Variants in F8 observed in about 807,000 individuals in gnomAD.
F8 encodes the protein coagulation factor VIII.
F8 carries 12 observed loss-of-function variants against 140.6 expected under a neutral mutation model. The observed-to-expected ratio is 0.09, with a 90% confidence interval of 0.05 to 0.14. F8 has a LOEUF of 0.14. Among genes scored for constraint, F8 ranks in the 10% least tolerant of loss-of-function variants. The pLI, the probability that F8 is intolerant of heterozygous loss-of-function variation, is 1.00. For synonymous variants in F8, 585 were observed against 614.6 expected, an observed-to-expected ratio of 0.95 and a Z score of 0.71; for missense variants, 1,354 against 1,720.7, an observed-to-expected ratio of 0.79 and a Z score of 3.77.
rs1241349137 is a variant in F8 at position 154,843,230 on chromosome X, T to C, written c.6901-5478A>G. Among the ~76,000 whole-genome samples, 4 of 111,930 alleles carry C rather than the reference T, an allele frequency of 3.6e-5. No individual in the cohort carries two copies. The East Asian group carries it at 1.1e-3, about 31-fold the overall frequency. ...TTGGGTTGGTTCCAAGTCTTTGCTATTGTGAATAGTGCCGCAATAAACATA... is the reference window on the plus strand; with the variant it reads ...TTGGGTTGGTTCCAAGTCTTTGCTACTGTGAATAGTGCCGCAATAAACATA... On this transcript the variant is annotated intron_variant, in intron 25 of 25. Coordinates refer to ENST00000360256, the MANE Select transcript of F8 (RefSeq NM_000132.4).
At position 154,963,806 on chromosome X, in the gene F8, T is replaced by C. The variant is rs782783801; in HGVS notation, c.1443+2164A>G. On this transcript the variant is annotated intron_variant, in intron 9 of 25. Transcript: ENST00000360256. ...TAAATCAAAGAATGGGGTAGATCTATATATGTTGACATGAAATGATATCCA... is the reference window on the plus strand; with the variant it reads ...TAAATCAAAGAATGGGGTAGATCTACATATGTTGACATGAAATGATATCCA... Among the ~76,000 whole-genome samples the C allele has an allele frequency of 2.9e-4, 32 of 111,344 alleles. No homozygotes were observed. The South Asian group carries it at 0.012, about 41-fold the overall frequency.
Position 154,930,139 on chromosome X carries a change from T to C in F8, c.3651A>G (p.Ile1217Met), listed in dbSNP as rs2073185856. 1.7e-6 allele frequency: 2 copies of C among 1,206,505 alleles called. No homozygotes were observed. The highest frequency in any genetic ancestry group is 3.5e-5 in the African/African-American group (2 of 57,167). The change falls in exon 14 of 26, where the codon ATA becomes ATG. Residue 1217 changes from isoleucine to methionine, a missense_variant. Around this residue, in one of 4 missense-constraint regions of F8, gnomAD observed 658 missense variants for 666.5 expected, o/e 0.99. Coordinates refer to ENST00000360256, the MANE Select transcript of F8 (RefSeq NM_000132.4). ...HNQEKKIQEE[I>M]EKKETLIQEN... ...CTTGGATTAATGTTTCCTTCTTTTCTATTTCTTCCTGAATTTTTTTTTCTT... is the reference window on the plus strand; with the variant it reads ...CTTGGATTAATGTTTCCTTCTTTTCCATTTCTTCCTGAATTTTTTTTTCTT...
intron 21 of F8, among the ~76,000 whole-genome samples, chrX:154,896,480 T>A (rs1051049354): frequency 1.9e-5 from 2 of 104,932 alleles, no homozygotes; most frequent in African/African-American, 7.1e-5. Flanking sequence ...ACCAAACCAC[T>A]ACCAAATCAT....
intron 13 of F8, among the ~76,000 whole-genome samples, chrX:154,935,208 TA>T (rs782281243): frequency 9.1e-6 from 1 of 110,109 alleles, no homozygotes; most frequent in African/African-American, 3.3e-5. Context: ...AGAGCAGTAA[TA>T]AAAAAAATGT....
chrX:154,905,621 C>T (rs1467103843), intron 15 of F8, among the ~76,000 whole-genome samples: 1 of 111,097 alleles, frequency 9.0e-6, no homozygotes, highest in Non-Finnish European at 1.9e-5. Context: ...AACTTTTAGT[C>T]TACAGGAAGT....
chrX:154,893,865 C>T (rs182619884), intron 22 of F8, among the ~76,000 whole-genome samples: 88 of 111,725 alleles, frequency 7.9e-4, no homozygotes, highest in African/African-American at 2.8e-3. Flanking sequence ...ATTAACATAG[C>T]TAGATCTTTT....
chrX:154,923,723 G>C (rs2073144680), intron 14 of F8, among the ~76,000 whole-genome samples: 2 of 111,692 alleles, frequency 1.8e-5, no homozygotes, highest in South Asian at 7.4e-4. Flanking sequence ...ATGACTTTGG[G>C]GGACTGTTGG....
intron 6 of F8, among the ~76,000 whole-genome samples, chrX:154,972,723 T>TA (rs1569559892): frequency 1.2e-5 from 1 of 85,825 alleles, no homozygotes; most frequent in Admixed American, 1.3e-4. Context: ...TTTTTTTTTT[T>TA]TTTTTTTTTT....
chrX:155,008,801 G>A (rs1467867649), intron 1 of F8, among the ~76,000 whole-genome samples: 3 of 108,545 alleles, frequency 2.8e-5, no homozygotes, highest in African/African-American at 1.0e-4. Context: ...TCTTCCCAGC[G>A]CCGACTCTGC....
intron 1 of F8, among the ~76,000 whole-genome samples, chrX:155,000,377 A>G (rs1286694332): frequency 8.9e-6 from 1 of 112,190 alleles, no homozygotes; most frequent in Non-Finnish European, 1.9e-5. Context: ...TCCACTCACT[A>G]GTTTCATGTG....
chrX:155,012,744 C>A (rs1468235975), intron 1 of F8, among the ~76,000 whole-genome samples: 1 of 110,093 alleles, frequency 9.1e-6, no homozygotes, highest in East Asian at 2.8e-4. Flanking sequence ...ACAAAAAACA[C>A]TGGGATAAGA....
intron 22 of F8, among the ~76,000 whole-genome samples, chrX:154,867,690 C>CAAAAAAAAA (rs373471645): frequency 1.2e-4 from 5 of 41,811 alleles, no homozygotes; most frequent in Non-Finnish European, 1.8e-4. Context: ...GACTCTGTCT[C>CAAAAAAAAA]AAAAAAAAAA....
In F8 at chrX:155,009,076, CATTA is replaced by C. The variant is rs1297287839; in HGVS notation, c.144-9480_144-9477del. Among the ~76,000 whole-genome samples, 4 of 109,813 alleles carry C rather than the reference CATTA, an allele frequency of 3.6e-5. No homozygotes were observed. In the East Asian group the frequency reaches 1.2e-3, roughly 32 times the overall value. On this transcript the variant is annotated intron_variant, in intron 1 of 25. Transcript: ENST00000360256. ...TACATCTAGGGAACACAACCAGTAA[CATTA>C]ATTTTTTTTTTTTTTTTTTTGAGAC...
chrX:154,876,275 A>G (rs1397735479), intron 22 of F8, among the ~76,000 whole-genome samples: 2 of 109,366 alleles, frequency 1.8e-5, no homozygotes, highest in Non-Finnish European at 3.8e-5. Context: ...GCCCACCACC[A>G]CACCCAGCTA....
chrX:154,969,405 A>G lies in F8; in HGVS notation c.935T>C (p.Phe312Ser), dbSNP rs137852405. Residue 312 changes from phenylalanine (F) to serine (S), a missense_variant, in exon 7 of 26, where the codon TTC becomes TCC. Phe to Ser is a radical substitution (Grantham distance 155, BLOSUM62 -2). Transcript: ENST00000360256. ...CATCAAGAGTGTTTGAGCAGTAAGGAAAGTTATTGGCGAGATTTCCAAGGA... is the reference window on the plus strand; with the variant it reads ...CATCAAGAGTGTTTGAGCAGTAAGGGAAGTTATTGGCGAGATTTCCAAGGA... ...QASLEISPIT[F>S]LTAQTLLMDL... The G allele has an allele frequency of 8.3e-7, 1 of 1,211,820 alleles. No individual in the cohort carries two copies. Among genetic ancestry groups the G allele is most frequent in the Non-Finnish European group, 1.1e-6 (1 of 895,416 alleles).
chrX:154,940,139 C>T (rs1315222766), intron 13 of F8, among the ~76,000 whole-genome samples: 1 of 112,218 alleles, frequency 8.9e-6, no homozygotes, highest in Non-Finnish European at 1.9e-5. Flanking sequence ...CAGCTCCTCA[C>T]CAGCAATGGA....
chrX:155,003,442 A>G (rs1184027073), intron 1 of F8, among the ~76,000 whole-genome samples: 1 of 109,736 alleles, frequency 9.1e-6, no homozygotes, highest in Non-Finnish European at 1.9e-5. Context: ...AAAAAAAAAC[A>G]CCAACAACAA....
chrX:154,989,714 C>T (rs1557284506), intron 4 of F8, among the ~76,000 whole-genome samples: 1 of 111,769 alleles, frequency 8.9e-6, no homozygotes, highest in African/African-American at 3.3e-5. Context: ...AAAATATTTG[C>T]CAATCACATA....
chrX:154,901,396 A>G lies in F8; in HGVS notation c.6162T>C (p.Phe2054=). Residue 2054 remains phenylalanine, a synonymous_variant, in exon 20 of 26, where the codon TTT becomes TTC. Transcript: ENST00000360256. ...CATATTGTCCTGAAGCTGTAATCTG[A>G]AAATCTCTAATGTGTCCAGAAGCCA... is the stretch of plus-strand genomic sequence containing the variant. ...LGMASGHIRD[F]QITASGQYGQ... The G allele has an allele frequency of 2.5e-6, 3 of 1,199,785 alleles. No individual in the cohort carries two copies. The highest frequency in any genetic ancestry group is 3.4e-6 in the Non-Finnish European group (3 of 884,441).
Sources: gnomAD v4.1 joint callset for allele counts (sites outside exome capture counted in the v4.1 genomes callset) on GRCh38, gnomAD v4.1.1 for gene constraint, gnomAD v4.1.1 regional missense constraint, MANE v1.5 for transcripts, NCBI Gene and HGNC (gene_info 2026-07-23, HGNC 2026-07-21) for gene names.